The following KAT6B variants were observed in gnomAD, a reference collection of about 807,000 sequenced individuals.
KAT6B encodes the protein histone acetyltransferase KAT6B.
KAT6B carries 10 observed loss-of-function variants against 187.5 expected under a neutral mutation model. That is an observed-to-expected ratio of 0.05 (90% CI 0.03 to 0.09). The LOEUF is 0.09. KAT6B is among the 10% of genes least tolerant of loss of function. KAT6B has a pLI of 1.00. For missense variants in KAT6B, 1,952 were observed against 2,558.9 expected (o/e 0.76, Z 5.12); for synonymous variants, 861 against 926.8 (o/e 0.93, Z 1.29).
chr10:74,976,006 T>G lies in KAT6B; in HGVS notation c.1669T>G (p.Ser557Ala). Residue 557 changes from serine (S) to alanine (A), a missense_variant, in exon 8 of 18, where the codon TCT becomes GCT. By Grantham distance (99) the Ser-to-Ala change is moderately conservative. This residue lies in a region of KAT6B where 417 missense variants were observed against 508.9 expected (regional missense o/e 0.82). Coordinates refer to ENST00000287239, the MANE Select transcript of KAT6B (RefSeq NM_012330.4). ...TCATATCTATACCACTCAGGGACAG[T>G]CTCGCAAAAAGGGACACCCGAGTTA... is the stretch of plus-strand genomic sequence containing the variant. ...LSHIYTTQGQ[S>A]RKKGHPSYAP... The G allele has an allele frequency of 6.2e-7, 1 of 1,613,980 alleles. No homozygotes were observed. Among genetic ancestry groups the G allele is most frequent in the Non-Finnish European group, 8.5e-7 (1 of 1,179,990 alleles).
At chr10:74,905,755 G>A (rs1339287538) in intron 3 of KAT6B, among the ~76,000 whole-genome samples, 2 of 152,138 alleles carry the variant, frequency 1.3e-5, no homozygotes, top group Non-Finnish European at 2.9e-5. Flanking sequence ...TGGAATTGCC[G>A]GTGTAGGGTG....
intron 3 of KAT6B, among the ~76,000 whole-genome samples, chr10:74,858,283 A>ATTTTTT (rs755754008): frequency 6.7e-4 from 91 of 135,136 alleles, no homozygotes; most frequent in Non-Finnish European, 8.9e-4. Context: ...TGGATGGGCA[A>ATTTTTT]TTTTTTTTTT....
chr10:74,944,749 C>T (rs1849981345), intron 3 of KAT6B, among the ~76,000 whole-genome samples: 1 of 132,350 alleles, frequency 7.6e-6, no homozygotes, highest in Non-Finnish European at 1.5e-5. Flanking sequence ...GCGGAGCTTG[C>T]AGTGAGCCGA....
upstream of KAT6B, chr10:74,826,586 AT>A (rs1309939806): frequency 6.6e-6 from 1 of 152,592 alleles, no homozygotes; most frequent in Non-Finnish European, 1.5e-5. Flanking sequence ...ATGAGACTCC[AT>A]TGGGCTGTAA....
chr10:75,018,903 A>AC (rs1012980061), intron 13 of KAT6B, among the ~76,000 whole-genome samples: 1 of 152,038 alleles, frequency 6.6e-6, no homozygotes, highest in South Asian at 2.1e-4. Flanking sequence ...CAAAGCTGGG[A>AC]CCCCCCAGCC....
At position 75,024,629 on chromosome 10, in the gene KAT6B, A is replaced by AG. The variant is rs1317431843; in HGVS notation, c.3373-327dup. 2.6e-5 allele frequency among the ~76,000 whole-genome samples: 4 copies of AG among 152,360 alleles called. No individual in the cohort carries two copies. In the East Asian group the frequency reaches 7.7e-4, roughly 29 times the overall value. ...GATGACCTTAAATGTCTGTGATGTGAGGAATATTGAAGCCAGCAAGTACCA... is the reference window on the plus strand; with the variant it reads ...GATGACCTTAAATGTCTGTGATGTGAGGGAATATTGAAGCCAGCAAGTACCA... On this transcript the variant is annotated intron_variant, in intron 16 of 17. Coordinates refer to ENST00000287239, the MANE Select transcript of KAT6B (RefSeq NM_012330.4).
intron 3 of KAT6B, among the ~76,000 whole-genome samples, chr10:74,879,562 T>C (rs1177366679): frequency 6.6e-6 from 1 of 152,224 alleles, no homozygotes; most frequent in African/African-American, 2.4e-5. Context: ...ATCTTAGGGC[T>C]ACTATATTAC....
intron 6 of KAT6B, among the ~76,000 whole-genome samples, chr10:74,971,185 C>G (rs918792473): frequency 2.0e-5 from 3 of 152,140 alleles, no homozygotes; most frequent in African/African-American, 7.2e-5. Flanking sequence ...ATTTATTTAA[C>G]CAGTCCCTTA....
rs2134243080 is a variant in KAT6B at position 75,029,527 on chromosome 10, C to T, written c.4703C>T (p.Ala1568Val). Residue 1568 changes from alanine to valine, a missense_variant, in exon 18 of 18, where the codon GCC (alanine) becomes GTC (valine). Coordinates refer to ENST00000287239, the MANE Select transcript of KAT6B (RefSeq NM_012330.4). This position sits in a 1 kb window ranked among gnomAD's most constrained non-coding sequence, Gnocchi z 6.2. Reference sequence around the variant, plus strand: ...CAGGATTGTGCCGAGACTCAAGAGGCCTGTAGAAGCCTACAGAACTACACC... The same window carrying T: ...CAGGATTGTGCCGAGACTCAAGAGGTCTGTAGAAGCCTACAGAACTACACC... ...TFQDCAETQEACRSLQNYTRA... is the reference protein window; with the variant it reads ...TFQDCAETQEVCRSLQNYTRA... 1.9e-6 allele frequency: 3 copies of T among 1,614,110 alleles called. No individual in the cohort carries two copies. The highest frequency in any genetic ancestry group is 4.5e-5 in the East Asian group (2 of 44,872).
intron 3 of KAT6B, among the ~76,000 whole-genome samples, chr10:74,847,618 T>G (rs932447560): frequency 6.6e-6 from 1 of 151,970 alleles, no homozygotes. Flanking sequence ...GAGCCGAGAT[T>G]GCGCCATTGC....
intron 3 of KAT6B, among the ~76,000 whole-genome samples, chr10:74,939,465 A>G (rs746290904): frequency 6.6e-6 from 1 of 152,052 alleles, no homozygotes. Context: ...CAGTGGCACA[A>G]TCTTGGCTCA....
At chr10:74,899,694 G>T (rs992478381) in intron 3 of KAT6B, among the ~76,000 whole-genome samples, 1 of 151,966 alleles carries the variant, frequency 6.6e-6, no homozygotes. Context: ...CCCTTTTTTG[G>T]GTGTAAGTTT....
intron 1 of KAT6B, among the ~76,000 whole-genome samples, chr10:74,828,515 G>C (rs1181806253): frequency 6.7e-6 from 1 of 149,630 alleles, no homozygotes; most frequent in African/African-American, 2.5e-5. Flanking sequence ...AGATTTTTTG[G>C]CATAGCCTTG....
intron 5 of KAT6B, 24 bp downstream of exon 5, chr10:74,969,799 C>T: frequency 6.7e-7 from 1 of 1,496,382 alleles, no homozygotes; most frequent in East Asian, 2.3e-5. Context: ...CCGTAATCCG[C>T]CTCCAGGTAA....
chr10:74,877,099 G>A (rs1844472167), intron 3 of KAT6B, among the ~76,000 whole-genome samples: 1 of 151,882 alleles, frequency 6.6e-6, no homozygotes, highest in Non-Finnish European at 1.5e-5. Context: ...CCCAGTAGCT[G>A]GGATTACAGG....
At chr10:74,905,035 G>A (rs1476787906) in intron 3 of KAT6B, among the ~76,000 whole-genome samples, 1 of 152,130 alleles carries the variant, frequency 6.6e-6, no homozygotes, top group Non-Finnish European at 1.5e-5. Context: ...TAAATTATTA[G>A]CTAGTGAAGA....
At chr10:74,836,977 T>G (rs1841353984) in intron 1 of KAT6B, among the ~76,000 whole-genome samples, 1 of 152,228 alleles carries the variant, frequency 6.6e-6, no homozygotes, top group Non-Finnish European at 1.5e-5. Flanking sequence ...TTAATCTTTG[T>G]TTTTTTCTAC....
At chr10:74,970,541 A>G (rs1589727970) in intron 6 of KAT6B, among the ~76,000 whole-genome samples, 1 of 152,240 alleles carries the variant, frequency 6.6e-6, no homozygotes, top group South Asian at 2.1e-4. Context: ...CCATTAGTTG[A>G]TATTTTGAAC....
intron 3 of KAT6B, among the ~76,000 whole-genome samples, chr10:74,931,191 G>A (rs998564011): frequency 1.3e-5 from 2 of 152,138 alleles, no homozygotes; most frequent in Non-Finnish European, 2.9e-5. Context: ...TCAGTGAAGA[G>A]GGCTTTGTTT....
Sources: gnomAD v4.1 joint callset for allele counts (sites outside exome capture counted in the v4.1 genomes callset) on GRCh38, gnomAD v4.1.1 for gene constraint, gnomAD v4.1.1 regional missense constraint, Gnocchi (gnomAD v3.1) non-coding constraint, MANE v1.5 for transcripts, NCBI Gene and HGNC (gene_info 2026-07-23, HGNC 2026-07-21) for gene names.